The following ALPK1 variants were observed in gnomAD, a reference collection of about 807,000 sequenced individuals.
ALPK1 encodes the protein alpha-protein kinase 1.
In ALPK1, 110 loss-of-function variants were observed where a neutral mutation model predicts 120.6. The observed-to-expected ratio is 0.91, with a 90% CI of 0.78 to 1.07. ALPK1 has a LOEUF of 1.07. ALPK1 is among the 50% of genes least tolerant of loss of function. ALPK1 has a pLI of 0.00. For missense variants in ALPK1, 1,498 were observed against 1,483.9 expected (o/e 1.01, Z -0.16); for synonymous variants, 582 against 560.3 (o/e 1.04, Z -0.55).
intron 2 of ALPK1, among the ~76,000 whole-genome samples, chr4:112,340,627 A>T (rs1462204620): frequency 2.6e-5 from 4 of 152,230 alleles, no homozygotes; most frequent in African/African-American, 9.6e-5. Flanking sequence ...GGGCTTACAG[A>T]GTAGATTCCC....
chr4:112,413,492 C>T (rs544659767), intron 5 of ALPK1, among the ~76,000 whole-genome samples: 17 of 152,304 alleles, frequency 1.1e-4, no homozygotes, highest in African/African-American at 4.1e-4. Flanking sequence ...GATCACAACC[C>T]ACTGCAGCCT....
chr4:112,312,849 T>G (rs528021592), intron 1 of ALPK1, among the ~76,000 whole-genome samples: 3 of 152,214 alleles, frequency 2.0e-5, no homozygotes, highest in Admixed American at 6.5e-5. Flanking sequence ...AAGAAAACCT[T>G]GTTAAGACTA....
intron 4 of ALPK1, among the ~76,000 whole-genome samples, chr4:112,401,855 G>T: frequency 6.6e-6 from 1 of 152,192 alleles, no homozygotes; most frequent in Non-Finnish European, 1.5e-5. Flanking sequence ...CTATTTTTCA[G>T]AAGGGTTTGA....
chr4:112,297,709 T>C (rs1042508845), intron 1 of ALPK1, among the ~76,000 whole-genome samples: 2 of 152,056 alleles, frequency 1.3e-5, no homozygotes, highest in African/African-American at 4.8e-5. Flanking sequence ...TTACCTACAA[T>C]GGTAAACTGT....
rs746714365 is a variant in ALPK1, at chr4:112,432,456, T to A, written c.2909T>A (p.Leu970His). Reference sequence around the variant, plus strand: ...CCGGGAAAGATGAGGAAAGAGATCCTTGAGGCTCGCACCTTGCAACCTGAT... The same window carrying A: ...CCGGGAAAGATGAGGAAAGAGATCCATGAGGCTCGCACCTTGCAACCTGAT... ...SLPGKMRKEI[L>H]EARTLQPDDF... is the part of the protein sequence containing the mutation. The change falls in exon 11 of 16, where the codon CTT (leucine) becomes CAT (histidine). Residue 970 changes from leucine (L) to histidine (H), a missense_variant. By Grantham distance (99) the Leu-to-His change is moderately conservative. Coordinates refer to ENST00000650871, the MANE Select transcript of ALPK1 (RefSeq NM_025144.4). 1.2e-5 allele frequency: 19 copies of A among 1,614,174 alleles called. 1 individual carries two copies. The South Asian group carries it at 2.0e-4, about 17-fold the overall frequency.
chr4:112,428,543 A>T (rs1449067919), intron 9 of ALPK1, among the ~76,000 whole-genome samples: 2 of 152,178 alleles, frequency 1.3e-5, no homozygotes, highest in Admixed American at 1.3e-4. Context: ...CACTGAAGTT[A>T]TCCCTGATGA....
intron 2 of ALPK1, among the ~76,000 whole-genome samples, chr4:112,345,082 T>C (rs1365869012): frequency 1.3e-5 from 2 of 152,214 alleles, no homozygotes. Context: ...TAGAAGTGTG[T>C]TGGTTTCGGT....
intron 4 of ALPK1, among the ~76,000 whole-genome samples, chr4:112,399,624 A>G (rs1419619454): frequency 6.6e-6 from 1 of 152,144 alleles, no homozygotes; most frequent in Admixed American, 6.5e-5. Flanking sequence ...ATACATGTAC[A>G]GAACGTGCAG....
At chr4:112,314,787 G>T (rs1728560431) in intron 1 of ALPK1, among the ~76,000 whole-genome samples, 1 of 151,884 alleles carries the variant, frequency 6.6e-6, no homozygotes, top group African/African-American at 2.4e-5. Context: ...TAGGATGGTG[G>T]TTTAGGGGCT....
chr4:112,400,459 T>A (rs1732857691), intron 4 of ALPK1, among the ~76,000 whole-genome samples: 1 of 152,112 alleles, frequency 6.6e-6, no homozygotes, highest in Non-Finnish European at 1.5e-5. Flanking sequence ...TTAGAGGAAT[T>A]TTGGTTGGAA....
chr4:112,302,813 C>G (rs541894193), intron 1 of ALPK1, among the ~76,000 whole-genome samples: 5 of 152,278 alleles, frequency 3.3e-5, no homozygotes, highest in African/African-American at 1.2e-4. Context: ...CTGTGCCTCT[C>G]AGCCACATTC....
intron 2 of ALPK1, among the ~76,000 whole-genome samples, chr4:112,371,053 T>C (rs759848957): frequency 6.6e-6 from 1 of 152,224 alleles, no homozygotes; most frequent in Non-Finnish European, 1.5e-5. Context: ...GAGAAACTGA[T>C]ACTCATTCTT....
chr4:112,352,941 C>CTCTTTT (rs1730427890), intron 2 of ALPK1: 1 of 144,330 alleles, frequency 6.9e-6, no homozygotes, highest in African/African-American at 2.5e-5. Context: ...TCTGTCTTCT[C>CTCTTTT]TCTTTTTCTT....
intron 2 of ALPK1, among the ~76,000 whole-genome samples, chr4:112,370,435 A>G (rs1335453225): frequency 2.0e-5 from 3 of 152,156 alleles, no homozygotes; most frequent in Non-Finnish European, 4.4e-5. Context: ...AGGGATGTTA[A>G]AAGAGAAAAA....
At chr4:112,375,500 C>A (rs1237596714) in intron 2 of ALPK1, among the ~76,000 whole-genome samples, 4 of 152,184 alleles carry the variant, frequency 2.6e-5, no homozygotes, top group African/African-American at 9.7e-5. Flanking sequence ...GGCTTCTTTC[C>A]TTAAAACTCT....
At chr4:112,307,780 C>T (rs28859654) in intron 1 of ALPK1, among the ~76,000 whole-genome samples, 69,283 of 151,848 alleles carry the variant, frequency 0.46, 18,055 homozygotes, top group African/African-American at 0.68. Flanking sequence ...GTGAATTTGA[C>T]CCTGTCATTA....
Position 112,430,982 on chromosome 4 carries a change from A to G in ALPK1, c.1435A>G (p.Asn479Asp), listed in dbSNP as rs1342765655. ...VFESDCGNNK[N>D]EQKDAKTGVC... ...TGAAAGTGATTGTGGAAACAACAAA[A>G]ATGAACAGAAAGATGCAAAAACAGG... is the stretch of plus-strand genomic sequence containing the variant. Residue 479 changes from asparagine (N) to aspartate (D), a missense_variant, in exon 11 of 16, where the codon AAT becomes GAT. Asn to Asp is a conservative substitution (Grantham distance 23, BLOSUM62 1). Transcript: ENST00000650871. The G allele has an allele frequency of 6.2e-7, 1 of 1,613,706 alleles. No homozygotes were observed. The highest frequency in any genetic ancestry group is 1.7e-5 in the Admixed American group (1 of 59,964).
intron 2 of ALPK1, among the ~76,000 whole-genome samples, chr4:112,336,452 G>T (rs557440426): frequency 5.9e-5 from 9 of 152,104 alleles, no homozygotes; most frequent in African/African-American, 1.9e-4. Context: ...CAATCTCTTT[G>T]GGCCATTTGC....
At chr4:112,375,180 CTTTTTTTT>C (rs200078535) in intron 2 of ALPK1, among the ~76,000 whole-genome samples, 7 of 127,352 alleles carry the variant, frequency 5.5e-5, no homozygotes, top group Non-Finnish European at 8.1e-5. Context: ...TGATGTTTTT[CTTTTTTTT>C]TTTTTTTTTT....
Sources: allele counts gnomAD v4.1 joint callset (sites outside exome capture counted in the v4.1 genomes callset), GRCh38; gene constraint gnomAD v4.1.1; transcripts MANE v1.5; gene names NCBI Gene and HGNC (gene_info 2026-07-23, HGNC 2026-07-21).